Variants in CDIN1 observed in about 807,000 individuals in gnomAD.
CDIN1 encodes CDAN1 interacting nuclease 1, also known as CDAN1-interacting nuclease 1.
CDIN1 carries 33 observed loss-of-function variants against 45.3 expected under a neutral mutation model. The ratio of observed to expected loss-of-function variants is 0.73; its 90% confidence interval spans 0.55 to 0.97. The LOEUF (loss-of-function observed/expected upper bound fraction) is 0.97, where lower values mean the gene tolerates loss of function less well. Among genes scored for constraint, CDIN1 ranks in the 50% least tolerant of loss-of-function variants. The pLI is 0.00. For synonymous variants in CDIN1, 118 were observed against 124.4 expected, an observed-to-expected ratio of 0.95 and a Z score of 0.34; for missense variants, 303 against 339.4, an observed-to-expected ratio of 0.89 and a Z score of 0.84.
At chr15:36,780,749 T>C (rs1300013948) in intron 10 of CDIN1, among the ~76,000 whole-genome samples, 2 of 152,240 alleles carry the variant, frequency 1.3e-5, no homozygotes, top group Non-Finnish European at 2.9e-5. Flanking sequence ...ATAGAGTAGA[T>C]ACTATTGTTT....
rs1449343922 is a variant in CDIN1 at position 36,808,830 on chromosome 15, C to A, written c.*377C>A. 9 of 456,954 alleles carry A rather than the reference C, an allele frequency of 2.0e-5. No homozygotes were observed. Among genetic ancestry groups the A allele is most frequent in the Non-Finnish European group, 3.9e-5 (9 of 228,190 alleles). 28.3% of individuals were successfully genotyped at this position (456,954 alleles called of 1,614,324 possible). On this transcript the variant is annotated 3_prime_UTR_variant, in exon 11 of 11. Coordinates refer to ENST00000566621, the MANE Select transcript of CDIN1 (RefSeq NM_001321759.2). ...AATTCTCCTCCCAGTTACCGAATCACCCTCTTATTTTTTTTTCCCTAAGCC... is the reference window on the plus strand; with the variant it reads ...AATTCTCCTCCCAGTTACCGAATCAACCTCTTATTTTTTTTTCCCTAAGCC...
intron 10 of CDIN1, among the ~76,000 whole-genome samples, chr15:36,766,473 A>G (rs942611542): frequency 1.3e-5 from 2 of 151,926 alleles, no homozygotes; most frequent in African/African-American, 4.8e-5. Flanking sequence ...TTTTTTGAGG[A>G]CCCTCCATAC....
At chr15:36,702,803 G>C (rs1442567373) in intron 8 of CDIN1, among the ~76,000 whole-genome samples, 2 of 152,022 alleles carry the variant, frequency 1.3e-5, no homozygotes, top group Non-Finnish European at 1.5e-5. Flanking sequence ...TTTATTCTTA[G>C]CTCACAAGGT....
intron 1 of CDIN1, among the ~76,000 whole-genome samples, chr15:36,620,292 A>T (rs1194039657): frequency 1.3e-5 from 2 of 152,090 alleles, no homozygotes; most frequent in Non-Finnish European, 2.9e-5. Context: ...CGGAGCTTGC[A>T]GTGAGCCGAG....
chr15:36,691,103 A>G (rs2042233582), intron 5 of CDIN1: 1 of 510,792 alleles, frequency 2.0e-6, no homozygotes, highest in African/African-American at 1.9e-5. Context: ...CTCTCAATTC[A>G]GTCAGTTTTA....
chr15:36,723,462 T>G (rs1401174923), intron 10 of CDIN1, among the ~76,000 whole-genome samples: 1 of 152,226 alleles, frequency 6.6e-6, no homozygotes, highest in Non-Finnish European at 1.5e-5. Flanking sequence ...ATGGCAGGTA[T>G]ATAAAGCCAT....
rs78402050 is a variant in CDIN1 at position 36,584,582 on chromosome 15, T to C, written c.101+4621T>C. Among the ~76,000 whole-genome samples, 811 of 152,348 alleles carry C rather than the reference T, an allele frequency of 5.3e-3. 8 individuals are homozygous for C. The highest frequency in any genetic ancestry group is 0.012 in the South Asian group (60 of 4,826). On this transcript the variant is annotated intron_variant, in intron 1 of 10. Transcript: ENST00000566621. Reference sequence around the variant, plus strand: ...CAGTAATTTGTATTCATTCATTTATTCACTTATTCATTCATTTATTTACCA... The same window carrying C: ...CAGTAATTTGTATTCATTCATTTATCCACTTATTCATTCATTTATTTACCA...
chr15:36,746,236 C>T (rs372964020), intron 10 of CDIN1, among the ~76,000 whole-genome samples: 3 of 151,970 alleles, frequency 2.0e-5, no homozygotes, highest in African/African-American at 7.3e-5. Context: ...GGGCTCTTTG[C>T]TTTTGGAAGT....
intron 1 of CDIN1, among the ~76,000 whole-genome samples, chr15:36,628,747 C>T (rs960087727): frequency 6.6e-6 from 1 of 151,952 alleles, no homozygotes; most frequent in Non-Finnish European, 1.5e-5. Flanking sequence ...AAAGTAAGTC[C>T]CTTAAAGATA....
intron 10 of CDIN1, among the ~76,000 whole-genome samples, chr15:36,758,627 A>C (rs925757598): frequency 6.6e-6 from 1 of 152,194 alleles, no homozygotes; most frequent in Non-Finnish European, 1.5e-5. Flanking sequence ...CACCCTTTAC[A>C]AAGAAATATA....
At position 36,703,249 on chromosome 15, in the gene CDIN1, CAGAA is replaced by C. The variant is rs1477910989; in HGVS notation, c.544+5862_544+5865del. Among the ~76,000 whole-genome samples the C allele has an allele frequency of 6.5e-4, 44 of 67,862 alleles. 2 individuals are homozygous for C. Among genetic ancestry groups the C allele is most frequent in the South Asian group, 4.2e-3 (9 of 2,148 alleles). The allele number at this position is 67,862 out of a possible 152,430, so 44.5% of individuals were successfully genotyped here. A position where few individuals can be genotyped will look rare whatever the true frequency, so the allele number is the denominator to read the frequency against. ...ATATATATATCAGATATATATATAT[CAGAA>C]AGGGATATATATATCTGATAGATCT... On this transcript the variant is annotated intron_variant, in intron 8 of 10. Transcript: ENST00000566621.
intron 5 of CDIN1, among the ~76,000 whole-genome samples, chr15:36,659,173 G>T (rs1166827132): frequency 2.6e-5 from 4 of 152,168 alleles, no homozygotes; most frequent in Admixed American, 2.6e-4. Context: ...ATATAGAGCA[G>T]TATCAAACAC....
At chr15:36,645,502 G>GTA (rs2040288129) in intron 3 of CDIN1, among the ~76,000 whole-genome samples, 2 of 150,836 alleles carry the variant, frequency 1.3e-5, no homozygotes, top group Admixed American at 1.3e-4. Context: ...ACTTGTGTGT[G>GTA]TGTGTGTGTG....
intron 5 of CDIN1, among the ~76,000 whole-genome samples, chr15:36,682,607 A>C (rs75093457): frequency 0.019 from 2,850 of 151,032 alleles, 90 homozygotes; most frequent in African/African-American, 0.066. Context: ...TACAAAAAAA[A>C]AAAAACAAAA....
At chr15:36,770,604 A>G (rs1209068461) in intron 10 of CDIN1, among the ~76,000 whole-genome samples, 1 of 151,924 alleles carries the variant, frequency 6.6e-6, no homozygotes, top group African/African-American at 2.4e-5. Flanking sequence ...ACACACCACC[A>G]CACCCAGCTA....
At position 36,580,107 on chromosome 15, in the gene CDIN1, A is replaced by C. The variant is rs987810913; in HGVS notation, c.101+146A>C. Reference sequence around the variant, plus strand: ...GTTAGGAGGTCGAGGTTGGCGAAAAAAGGTTTATTCTTTCACTCGCCTTCC... The same window carrying C: ...GTTAGGAGGTCGAGGTTGGCGAAAACAGGTTTATTCTTTCACTCGCCTTCC... On this transcript the variant is annotated intron_variant, in intron 1 of 10. Coordinates refer to ENST00000566621, the MANE Select transcript of CDIN1 (RefSeq NM_001321759.2). The C allele has an allele frequency of 7.3e-6, 5 of 687,234 alleles. No individual in the cohort carries two copies. In the Admixed American group the frequency reaches 1.5e-4, roughly 20 times the overall value. 42.6% of individuals were successfully genotyped at this position (687,234 alleles called of 1,614,324 possible).
At chr15:36,626,886 G>A in intron 1 of CDIN1, 1 of 209,612 alleles carries the variant, frequency 4.8e-6, no homozygotes, top group Non-Finnish European at 9.9e-6. Flanking sequence ...GCCATGTCTG[G>A]CACCATGTCC....
chr15:36,758,661 C>A (rs1246641218), intron 10 of CDIN1, among the ~76,000 whole-genome samples: 1 of 152,106 alleles, frequency 6.6e-6, no homozygotes, highest in Non-Finnish European at 1.5e-5. Flanking sequence ...TAATGGAATT[C>A]TTCTCGGAAG....
At chr15:36,657,719 G>A (rs2140466797) in intron 4 of CDIN1, 114 bp from the exon 5 acceptor site, 2 of 736,914 alleles carry the variant, frequency 2.7e-6, no homozygotes, top group East Asian at 5.7e-5. Context: ...TTTAATGAAT[G>A]ATGCTTGCTA....
Sources: gnomAD v4.1 joint callset for allele counts (sites outside exome capture counted in the v4.1 genomes callset) on GRCh38, gnomAD v4.1.1 for gene constraint, MANE v1.5 for transcripts, NCBI Gene and HGNC (gene_info 2026-07-23, HGNC 2026-07-21) for gene names.